Variants in CNTN4 observed in about 807,000 individuals in gnomAD.
CNTN4 encodes the protein contactin 4.
Under a neutral mutation model 122.5 loss-of-function variants are expected in CNTN4, and 77 were observed. The ratio of observed to expected loss-of-function variants is 0.63; its 90% CI spans 0.52 to 0.76. The LOEUF (loss-of-function observed/expected upper bound fraction) is 0.76. CNTN4 is among the 30% of genes least tolerant of loss of function. The pLI, the probability that CNTN4 is intolerant of heterozygous loss-of-function variation, is 0.00. For missense variants in CNTN4, 1,256 were observed against 1,259.1 expected (o/e 1.00, Z 0.04); for synonymous variants, 512 against 447.0 (o/e 1.15, Z -1.83).
chr3:2,961,884 C>T (rs1015241905), intron 13 of CNTN4, among the ~76,000 whole-genome samples: 8 of 152,242 alleles, frequency 5.3e-5, no homozygotes, highest in Non-Finnish European at 1.2e-4. Flanking sequence ...TTAACTTCTA[C>T]AATCCATTTG....
At chr3:2,117,965 C>G (rs1397285656) in intron 2 of CNTN4, among the ~76,000 whole-genome samples, 1 of 151,644 alleles carries the variant, frequency 6.6e-6, no homozygotes, top group Non-Finnish European at 1.5e-5. Flanking sequence ...ATCTTTTTTT[C>G]TGATTATAAT....
chr3:2,758,258 A>C (rs12494784), intron 6 of CNTN4, among the ~76,000 whole-genome samples: 96,763 of 151,990 alleles, frequency 0.64, 33,843 homozygotes, highest in Non-Finnish European at 0.78. Flanking sequence ...ATGAATGTTG[A>C]TAAGTGCTGA....
intron 13 of CNTN4, among the ~76,000 whole-genome samples, chr3:2,957,121 A>T (rs1022706784): frequency 6.6e-6 from 1 of 152,196 alleles, no homozygotes; most frequent in African/African-American, 2.4e-5. Flanking sequence ...GCTCTTCAAC[A>T]TACTAATTTC....
Position 2,162,629 on chromosome 3 carries a change from T to C in CNTN4, c.-145+61990T>C, listed in dbSNP as rs1382760432. On this transcript the variant is annotated intron_variant, in intron 2 of 24. Transcript: ENST00000418658. The stretch of plus-strand genomic sequence containing the variant: ...GACTCAATAGTATGTGTCATTCAAA[T>C]TTAGGGAATGGAGAAAGATGCTGTT... 2.0e-5 allele frequency among the ~76,000 whole-genome samples: 3 copies of C among 152,118 alleles called. No homozygotes were observed. In the East Asian group the frequency reaches 5.8e-4, roughly 29 times the overall value.
intron 7 of CNTN4, among the ~76,000 whole-genome samples, chr3:2,849,610 G>C (rs1305569354): frequency 6.6e-6 from 1 of 152,206 alleles, no homozygotes; most frequent in Non-Finnish European, 1.5e-5. Context: ...CTCCACTGAA[G>C]TTGAGCCCAA....
chr3:2,579,100 A>C (rs2079822342), intron 4 of CNTN4, among the ~76,000 whole-genome samples: 1 of 152,212 alleles, frequency 6.6e-6, no homozygotes, highest in Non-Finnish European at 1.5e-5. Flanking sequence ...TGTTCAATTT[A>C]AGACCTCTCC....
intron 6 of CNTN4, among the ~76,000 whole-genome samples, chr3:2,752,537 T>C (rs62234586): frequency 6.6e-6 from 1 of 151,930 alleles, no homozygotes; most frequent in Admixed American, 6.5e-5. Context: ...AGCTAATGTT[T>C]CTATTTTTAT....
At chr3:2,886,978 G>A in intron 9 of CNTN4, 62 bp from the exon 10 acceptor site, 1 of 1,443,640 alleles carries the variant, frequency 6.9e-7, no homozygotes, top group Non-Finnish European at 9.6e-7. Context: ...GAAGCGTTTA[G>A]GTTCAGATAA....
At chr3:2,208,425 G>C (rs894629396) in intron 2 of CNTN4, among the ~76,000 whole-genome samples, 1 of 152,114 alleles carries the variant, frequency 6.6e-6, no homozygotes, top group African/African-American at 2.4e-5. Flanking sequence ...TCATGATAAA[G>C]TTGAAATGGA....
chr3:2,664,875 C>G (rs568617399), intron 4 of CNTN4, among the ~76,000 whole-genome samples: 2 of 152,264 alleles, frequency 1.3e-5, no homozygotes, highest in East Asian at 1.9e-4. Context: ...AGAAAGATGT[C>G]TCCTTTCCAC....
At chr3:2,224,064 G>C (rs2039168191) in intron 2 of CNTN4, among the ~76,000 whole-genome samples, 2 of 152,130 alleles carry the variant, frequency 1.3e-5, no homozygotes, top group South Asian at 4.2e-4. Flanking sequence ...GTCTGGAGTA[G>C]CCCTCATATA....
At chr3:2,686,327 C>G (rs1363350013) in intron 4 of CNTN4, among the ~76,000 whole-genome samples, 1 of 151,986 alleles carries the variant, frequency 6.6e-6, no homozygotes, top group Non-Finnish European at 1.5e-5. Context: ...CAAAGTAAGC[C>G]CAGTGCTTCT....
At chr3:2,397,399 C>T (rs889327257) in intron 3 of CNTN4, among the ~76,000 whole-genome samples, 1 of 151,922 alleles carries the variant, frequency 6.6e-6, no homozygotes, top group Non-Finnish European at 1.5e-5. Flanking sequence ...TATGTAATGT[C>T]ATGTTATTTT....
chr3:3,003,145 T>G (rs1288649887), intron 14 of CNTN4, among the ~76,000 whole-genome samples: 2 of 152,204 alleles, frequency 1.3e-5, no homozygotes, highest in Non-Finnish European at 2.9e-5. Flanking sequence ...ACTGGTTCAT[T>G]TGAACAGCAT....
intron 2 of CNTN4, among the ~76,000 whole-genome samples, chr3:2,202,245 G>A (rs975744170): frequency 4.6e-5 from 7 of 152,264 alleles, no homozygotes; most frequent in Non-Finnish European, 1.0e-4. Flanking sequence ...GAAAAAGTGT[G>A]TATTTTCAAG....
chr3:2,375,098 T>C (rs2045768645), intron 3 of CNTN4, among the ~76,000 whole-genome samples: 1 of 152,250 alleles, frequency 6.6e-6, no homozygotes, highest in South Asian at 2.1e-4. Flanking sequence ...AAAAAGGTTT[T>C]ATGATTGCAT....
chr3:2,544,191 G>A (rs187675147), intron 3 of CNTN4, among the ~76,000 whole-genome samples: 1 of 152,066 alleles, frequency 6.6e-6, no homozygotes, highest in African/African-American at 2.4e-5. Flanking sequence ...CCATGACAGC[G>A]AGTGGTGCCT....
At chr3:2,810,878 C>G (rs1213805565) in intron 6 of CNTN4, among the ~76,000 whole-genome samples, 4 of 152,108 alleles carry the variant, frequency 2.6e-5, no homozygotes, top group Non-Finnish European at 5.9e-5. Flanking sequence ...ACAAAAAACT[C>G]AGGCAGTTGG....
intron 4 of CNTN4, among the ~76,000 whole-genome samples, chr3:2,629,135 G>A (rs751499229): frequency 6.6e-6 from 1 of 152,282 alleles, no homozygotes; most frequent in East Asian, 1.9e-4. Context: ...GAGGTCATAA[G>A]GGTGTGGCAC....
Sources: allele counts gnomAD v4.1 joint callset (sites outside exome capture counted in the v4.1 genomes callset), GRCh38; gene constraint gnomAD v4.1.1; transcripts MANE v1.5; gene names NCBI Gene and HGNC (gene_info 2026-07-23, HGNC 2026-07-21).